Variants in AUTS2 observed in about 807,000 individuals in gnomAD.
AUTS2 encodes the protein autism susceptibility gene 2 protein.
Under a neutral mutation model 112.4 loss-of-function variants are expected in AUTS2, and 17 were observed. The observed-to-expected ratio is 0.15, with a 90% CI of 0.10 to 0.23. The LOEUF is 0.23. Among genes scored for constraint, AUTS2 ranks in the 10% least tolerant of loss-of-function variants. AUTS2 has a pLI of 1.00. For synonymous variants in AUTS2, 751 were observed against 702.7 expected, an observed-to-expected ratio of 1.07 and a Z score of -1.09; for missense variants, 1,510 against 1,701.6, an observed-to-expected ratio of 0.89 and a Z score of 1.98.
chr7:70,765,054 G>T (rs762289043), intron 8 of AUTS2, 49 bp downstream of exon 8: 2 of 1,603,838 alleles, frequency 1.2e-6, no homozygotes, highest in South Asian at 2.2e-5. Flanking sequence ...ACCGCCCCTC[G>T]CTGTGACCTC....
At chr7:70,714,548 G>A (rs967247924) in intron 6 of AUTS2, among the ~76,000 whole-genome samples, 1 of 152,080 alleles carries the variant, frequency 6.6e-6, no homozygotes, top group African/African-American at 2.4e-5. Flanking sequence ...GTCATTTTAC[G>A]TGATCTGTGC....
intron 2 of AUTS2, among the ~76,000 whole-genome samples, chr7:69,926,475 CTAT>C (rs1796017863): frequency 6.6e-6 from 1 of 151,810 alleles, no homozygotes; most frequent in Non-Finnish European, 1.5e-5. Context: ...ATCTATCTAT[CTAT>C]CTATCTATCT....
intron 1 of AUTS2, among the ~76,000 whole-genome samples, chr7:69,758,474 G>A (rs1359178083): frequency 1.3e-5 from 2 of 152,158 alleles, no homozygotes; most frequent in African/African-American, 4.8e-5. Context: ...ATGATCCGGA[G>A]TAAATAAAAC....
intron 1 of AUTS2, among the ~76,000 whole-genome samples, chr7:69,781,567 G>T (rs1000984455): frequency 2.0e-5 from 3 of 152,212 alleles, no homozygotes; most frequent in African/African-American, 4.8e-5. Context: ...TGTTGGCAGA[G>T]GACTAGAATA....
intron 1 of AUTS2, among the ~76,000 whole-genome samples, chr7:69,604,837 T>C (rs2129072672): frequency 6.6e-6 from 1 of 152,374 alleles, no homozygotes; most frequent in South Asian, 2.1e-4. Flanking sequence ...TCATTTCCTT[T>C]ATCCATTAGT....
At chr7:70,358,139 C>T (rs1022184459) in intron 4 of AUTS2, among the ~76,000 whole-genome samples, 2 of 152,164 alleles carry the variant, frequency 1.3e-5, no homozygotes, top group African/African-American at 4.8e-5. Flanking sequence ...GTAGTTGACT[C>T]TTCTGAGTTT....
At chr7:70,187,075 A>G (rs1809643336) in intron 4 of AUTS2, among the ~76,000 whole-genome samples, 1 of 152,232 alleles carries the variant, frequency 6.6e-6, no homozygotes, top group African/African-American at 2.4e-5. Flanking sequence ...CTGCCTTTGC[A>G]AATCTAATTT....
intron 5 of AUTS2, among the ~76,000 whole-genome samples, chr7:70,621,771 G>A (rs1804684200): frequency 6.6e-6 from 1 of 150,452 alleles, no homozygotes; most frequent in Non-Finnish European, 1.5e-5. Flanking sequence ...GTGGACCAGT[G>A]CTGAACTTTG....
chr7:69,632,596 T>C (rs1342651156), intron 1 of AUTS2, among the ~76,000 whole-genome samples: 5 of 125,822 alleles, frequency 4.0e-5, no homozygotes, highest in Non-Finnish European at 8.2e-5. Context: ...CCCCTCTGCC[T>C]TCTCCCCTCT....
At chr7:70,675,077 A>C (rs531999979) in intron 5 of AUTS2, among the ~76,000 whole-genome samples, 4 of 144,958 alleles carry the variant, frequency 2.8e-5, no homozygotes, top group Non-Finnish European at 6.1e-5. Context: ...TGTGCTCCAG[A>C]AGTATTTCAA....
chr7:69,648,684 A>G lies in AUTS2; in HGVS notation c.309+48722A>G, dbSNP rs77327734. Among the ~76,000 whole-genome samples, 1,155 of 152,280 alleles carry G rather than the reference A, an allele frequency of 7.6e-3. 13 individuals are homozygous for G. Among genetic ancestry groups the G allele is most frequent in the South Asian group, 0.039 (190 of 4,824 alleles). On this transcript the variant is annotated intron_variant, in intron 1 of 18. Transcript: ENST00000342771. Reference sequence around the variant, plus strand: ...TTTTCCAAATTAATTTAGATCTCTGACCCAGAGAGACTTAGAGTGATGCAC... The same window carrying G: ...TTTTCCAAATTAATTTAGATCTCTGGCCCAGAGAGACTTAGAGTGATGCAC...
intron 4 of AUTS2, among the ~76,000 whole-genome samples, chr7:70,339,638 T>C (rs1266534778): frequency 6.6e-6 from 1 of 152,206 alleles, no homozygotes; most frequent in African/African-American, 2.4e-5. Context: ...TAAAATGATA[T>C]GCAGGAGTGA....
chr7:69,977,673 T>C (rs1370709347), intron 2 of AUTS2, among the ~76,000 whole-genome samples: 1 of 152,222 alleles, frequency 6.6e-6, no homozygotes, highest in African/African-American at 2.4e-5. Flanking sequence ...ACTCCAGTAC[T>C]TGTCTTTACA....
chr7:69,790,987 C>T lies in AUTS2; in HGVS notation c.310-108299C>T, dbSNP rs532643055. 1.9e-4 allele frequency among the ~76,000 whole-genome samples: 29 copies of T among 152,292 alleles called. No homozygotes were observed. In the South Asian group the frequency reaches 3.1e-3, roughly 16 times the overall value. ...AATTCCTGTCTTCTAACTCTCCAATCGATTTCTTGGCTCCACTAATTGAAA... is the reference window on the plus strand; with the variant it reads ...AATTCCTGTCTTCTAACTCTCCAATTGATTTCTTGGCTCCACTAATTGAAA... On this transcript the variant is annotated intron_variant, in intron 1 of 18. Coordinates refer to ENST00000342771, the MANE Select transcript of AUTS2 (RefSeq NM_015570.4).
At chr7:70,618,569 G>A (rs566472408) in intron 5 of AUTS2, among the ~76,000 whole-genome samples, 1 of 152,146 alleles carries the variant, frequency 6.6e-6, no homozygotes, top group Non-Finnish European at 1.5e-5. Flanking sequence ...ATTAAACTGC[G>A]ATCACTAACC....
At chr7:70,553,852 C>T (rs1409712792) in intron 5 of AUTS2, among the ~76,000 whole-genome samples, 2 of 148,414 alleles carry the variant, frequency 1.3e-5, no homozygotes, top group South Asian at 2.2e-4. Context: ...CTGCAACCTC[C>T]GCCTCCCGGG....
At chr7:69,813,421 A>G in intron 1 of AUTS2, among the ~76,000 whole-genome samples, 1 of 152,196 alleles carries the variant, frequency 6.6e-6, no homozygotes, top group East Asian at 1.9e-4. Flanking sequence ...TTAGAAGGAC[A>G]GTGGCTCTGG....
intron 1 of AUTS2, among the ~76,000 whole-genome samples, chr7:69,819,624 G>C (rs1415037780): frequency 6.6e-6 from 1 of 152,166 alleles, no homozygotes; most frequent in Non-Finnish European, 1.5e-5. Context: ...TGCCAAAACG[G>C]GAATCTTAAG....
intron 5 of AUTS2, among the ~76,000 whole-genome samples, chr7:70,627,316 T>C (rs111668027): frequency 0.014 from 2,061 of 152,320 alleles, 54 homozygotes; most frequent in African/African-American, 0.047. Flanking sequence ...AAAGTGTCTG[T>C]GTGTTTTACC....
Sources: allele counts gnomAD v4.1 joint callset (sites outside exome capture counted in the v4.1 genomes callset), GRCh38; gene constraint gnomAD v4.1.1; transcripts MANE v1.5; gene names NCBI Gene and HGNC (gene_info 2026-07-23, HGNC 2026-07-21).